Variants in VPS13A observed in about 807,000 individuals in gnomAD.
VPS13A encodes the protein vacuolar protein sorting 13 homolog A.
VPS13A carries 264 observed loss-of-function variants against 390.9 expected under a neutral mutation model. The observed-to-expected ratio is 0.68, with a 90% CI of 0.61 to 0.75. The LOEUF is 0.75. Among genes scored for constraint, VPS13A ranks in the 30% least tolerant of loss-of-function variants. The pLI, the probability that VPS13A is intolerant of heterozygous loss-of-function variation, is 0.00. For missense variants in VPS13A, 3,409 were observed against 3,733.9 expected, an observed-to-expected ratio of 0.91 and a Z score of 2.27; for synonymous variants, 1,231 against 1,227.1, an observed-to-expected ratio of 1.00 and a Z score of -0.07.
Position 77,340,200 on chromosome 9 carries a change from G to A in VPS13A, c.6797G>A (p.Ser2266Asn), listed in dbSNP as rs145231192. 9 of 1,613,246 alleles carry A rather than the reference G, an allele frequency of 5.6e-6. No homozygotes were observed. The highest frequency in any genetic ancestry group is 7.6e-6 in the Non-Finnish European group (9 of 1,179,588). ...NNKVQLMVTD[S>N]ELSNQFSIDT... ...TAGGTTCAACTTATGGTAACTGATAGTGAGTTGTCCAATCAGTTTTCAATT... is the reference window on the plus strand; with the variant it reads ...TAGGTTCAACTTATGGTAACTGATAATGAGTTGTCCAATCAGTTTTCAATT... The change falls in exon 49 of 72, where the codon AGT becomes AAT. Residue 2266 changes from serine to asparagine, a missense_variant. This residue lies in a region of VPS13A where 2,717 missense variants were observed against 2,917.4 expected (regional missense o/e 0.93). Coordinates refer to ENST00000360280, the MANE Select transcript of VPS13A (RefSeq NM_033305.3).
In VPS13A at chr9:77,280,255, A is replaced by G; in HGVS notation, c.2904+17A>G. 4 of 1,578,210 alleles carry G rather than the reference A, an allele frequency of 2.5e-6. No homozygotes were observed. The highest frequency in any genetic ancestry group is 3.5e-6 in the Non-Finnish European group (4 of 1,148,164). The stretch of plus-strand genomic sequence containing the variant: ...TATGTAAAGGTAAGCAGTTTCATTT[A>G]TATCTGCTTAATATGGTAAGTATGC... On this transcript the variant is annotated intron_variant, in intron 27 of 71. Coordinates refer to ENST00000360280, the MANE Select transcript of VPS13A (RefSeq NM_033305.3).
intron 60 of VPS13A, among the ~76,000 whole-genome samples, chr9:77,366,357 A>G (rs1452725150): frequency 1.3e-5 from 2 of 152,248 alleles, no homozygotes; most frequent in East Asian, 3.9e-4. Flanking sequence ...TAAAGTTGAA[A>G]AATCATAAGT....
chr9:77,406,500 C>G (rs1481750009), intron 70 of VPS13A, among the ~76,000 whole-genome samples: 3 of 152,132 alleles, frequency 2.0e-5, no homozygotes, highest in Non-Finnish European at 4.4e-5. Context: ...TCACTGCAAC[C>G]TCCACCTCCC....
At position 77,370,810 on chromosome 9, in the gene VPS13A, AT is replaced by A. The variant is rs1489036195; in HGVS notation, c.8908-74del. 10 of 1,574,222 alleles carry A rather than the reference AT, an allele frequency of 6.4e-6. No individual in the cohort carries two copies. In the South Asian group the frequency reaches 1.0e-4, roughly 16 times the overall value. ...TGCTATATAAAAAGCAGAACTCTGT[AT>A]TTTTTGTGTAATCCAAACTTGGTTC... On this transcript the variant is annotated intron_variant, in intron 65 of 71. Coordinates refer to ENST00000360280, the MANE Select transcript of VPS13A (RefSeq NM_033305.3).
At chr9:77,205,215 A>G (rs1589993657) in intron 3 of VPS13A, 98 bp from the exon 4 acceptor site, 1 of 521,688 alleles carries the variant, frequency 1.9e-6, no homozygotes, top group Non-Finnish European at 3.1e-6. Flanking sequence ...AGGCCACTTT[A>G]TTATCTCTTC....
chr9:77,226,402 A>G lies in VPS13A; in HGVS notation c.1225-64A>G, dbSNP rs1241400260. On this transcript the variant is annotated intron_variant, in intron 14 of 71. Transcript: ENST00000360280. ...GATAAGTTCTCAGAATGTCTTGCTT[A>G]TATTTGTTTCAGTTGCTAAATAAAG... 26 of 1,444,578 alleles carry G rather than the reference A, an allele frequency of 1.8e-5. No homozygotes were observed. The East Asian group carries it at 4.4e-4, about 24-fold the overall frequency. The allele number at this position is 1,444,578 out of a possible 1,614,324, so 89.5% of individuals were successfully genotyped here.
chr9:77,280,869 A>G (rs1826975772), intron 27 of VPS13A, among the ~76,000 whole-genome samples: 1 of 152,170 alleles, frequency 6.6e-6, no homozygotes, highest in South Asian at 2.1e-4. Context: ...TATAGCTTTT[A>G]TGTAGCAAAA....
chr9:77,213,057 T>C, intron 8 of VPS13A, 29 bp downstream of exon 8: 6 of 1,612,930 alleles, frequency 3.7e-6, no homozygotes, highest in Non-Finnish European at 5.1e-6. Context: ...TGTCAACTCA[T>C]GGACTTAAGA....
intron 71 of VPS13A, among the ~76,000 whole-genome samples, chr9:77,408,844 G>T (rs1834759328): frequency 6.6e-6 from 1 of 152,220 alleles, no homozygotes; most frequent in Non-Finnish European, 1.5e-5. Context: ...AGGCCTGCCT[G>T]CCTCTGTAGA....
intron 69 of VPS13A, among the ~76,000 whole-genome samples, chr9:77,405,026 G>A (rs1465432119): frequency 4.0e-5 from 6 of 151,714 alleles, no homozygotes; most frequent in Admixed American, 3.9e-4. Flanking sequence ...CAAACCTCTG[G>A]TTGCACCTAC....
intron 1 of VPS13A, among the ~76,000 whole-genome samples, chr9:77,196,675 G>GT (rs199628155): frequency 0.11 from 16,223 of 143,364 alleles, 886 homozygotes; most frequent in Middle Eastern, 0.13. Flanking sequence ...GTTTTGTTTT[G>GT]TTTTTTTTTT....
At chr9:77,278,811 T>G (rs1826845031) in intron 26 of VPS13A, among the ~76,000 whole-genome samples, 1 of 152,194 alleles carries the variant, frequency 6.6e-6, no homozygotes, top group Admixed American at 6.5e-5. Context: ...ATAAATTCTC[T>G]TCTACACTGG....
intron 32 of VPS13A, among the ~76,000 whole-genome samples, chr9:77,294,610 C>T (rs1827867131): frequency 6.6e-6 from 1 of 152,126 alleles, no homozygotes; most frequent in South Asian, 2.1e-4. Context: ...TAAGTTAATT[C>T]CATATAATGT....
chr9:77,185,593 T>C (rs1824282663), intron 1 of VPS13A, among the ~76,000 whole-genome samples: 1 of 152,184 alleles, frequency 6.6e-6, no homozygotes. Flanking sequence ...AGAAAAACCT[T>C]TATTTTCCTT....
chr9:77,362,158 AGTTAAT>A (rs757050130), intron 59 of VPS13A, among the ~76,000 whole-genome samples: 2 of 152,088 alleles, frequency 1.3e-5, no homozygotes, highest in African/African-American at 4.8e-5. Flanking sequence ...CAAAAGTTAA[AGTTAAT>A]GAAGTTCAAA....
intron 45 of VPS13A, among the ~76,000 whole-genome samples, chr9:77,329,936 T>C (rs1241974371): frequency 6.6e-6 from 1 of 152,218 alleles, no homozygotes; most frequent in East Asian, 1.9e-4. Flanking sequence ...TGCTATCATA[T>C]TGCTGTTGTG....
At chr9:77,201,132 T>C (rs1435022904) in intron 2 of VPS13A, among the ~76,000 whole-genome samples, 1 of 152,198 alleles carries the variant, frequency 6.6e-6, no homozygotes, top group Non-Finnish European at 1.5e-5. Context: ...TCATTTTTAC[T>C]GTAGACCTTT....
chr9:77,309,730 T>C (rs1828957045), intron 35 of VPS13A, among the ~76,000 whole-genome samples: 1 of 152,184 alleles, frequency 6.6e-6, no homozygotes, highest in Admixed American at 6.5e-5. Flanking sequence ...TGCTGTAAAC[T>C]GTCCAGACCT....
chr9:77,297,487 A>AT (rs539572623), intron 33 of VPS13A, among the ~76,000 whole-genome samples: 31 of 149,672 alleles, frequency 2.1e-4, no homozygotes, highest in African/African-American at 5.4e-4. Flanking sequence ...GGCTCACCTC[A>AT]TTTTTTTTTC....
Sources: gnomAD v4.1 joint callset for allele counts (sites outside exome capture counted in the v4.1 genomes callset) on GRCh38, gnomAD v4.1.1 for gene constraint, gnomAD v4.1.1 regional missense constraint, MANE v1.5 for transcripts, NCBI Gene and HGNC (gene_info 2026-07-23, HGNC 2026-07-21) for gene names.